Variants in CDKAL1 observed in about 807,000 individuals in gnomAD.
The protein encoded by CDKAL1 is CDKAL1 threonylcarbamoyladenosine tRNA methylthiotransferase, also known as threonylcarbamoyladenosine tRNA methylthiotransferase.
Under a neutral mutation model 68.2 loss-of-function variants are expected in CDKAL1, and 32 were observed. That is an observed-to-expected ratio of 0.47 (90% CI 0.35 to 0.63). The LOEUF is 0.63. Ranked by LOEUF, CDKAL1 falls within the 30% of genes least tolerant of loss-of-function variation. The pLI, the probability that CDKAL1 is intolerant of heterozygous loss-of-function variation, is 0.00. For missense variants in CDKAL1, 606 were observed against 696.7 expected (o/e 0.87, Z 1.47); for synonymous variants, 234 against 244.3 (o/e 0.96, Z 0.39).
chr6:21,005,809 C>A (rs1561954906), intron 11 of CDKAL1, among the ~76,000 whole-genome samples: 1 of 151,998 alleles, frequency 6.6e-6, no homozygotes, highest in Non-Finnish European at 1.5e-5. Flanking sequence ...TTCACTATAC[C>A]CAGAGATTGC....
At chr6:20,829,864 G>A (rs1387082246) in intron 8 of CDKAL1, among the ~76,000 whole-genome samples, 2 of 152,136 alleles carry the variant, frequency 1.3e-5, no homozygotes, top group African/African-American at 4.8e-5. Flanking sequence ...TAGGTTTGCT[G>A]TTATTTACTT....
chr6:20,720,629 C>T (rs1424278694), intron 5 of CDKAL1, among the ~76,000 whole-genome samples: 1 of 152,110 alleles, frequency 6.6e-6, no homozygotes, highest in Non-Finnish European at 1.5e-5. Context: ...GCCTCAGCCT[C>T]CCTATGATTA....
chr6:20,764,668 C>A (rs952063048), intron 7 of CDKAL1, among the ~76,000 whole-genome samples: 15 of 152,160 alleles, frequency 9.9e-5, no homozygotes, highest in African/African-American at 3.4e-4. Flanking sequence ...CCTTACAGAG[C>A]TCAATGCAGA....
At chr6:20,880,817 A>G (rs1306146691) in intron 9 of CDKAL1, among the ~76,000 whole-genome samples, 2 of 152,212 alleles carry the variant, frequency 1.3e-5, no homozygotes, top group Non-Finnish European at 2.9e-5. Context: ...CTAAGAAAAG[A>G]TTATAAAATT....
chr6:20,950,230 T>C (rs575962716), intron 9 of CDKAL1, among the ~76,000 whole-genome samples: 1 of 152,284 alleles, frequency 6.6e-6, no homozygotes, highest in South Asian at 2.1e-4. Flanking sequence ...GTTCAAGTGA[T>C]TCTCCTGCCT....
intron 5 of CDKAL1, among the ~76,000 whole-genome samples, chr6:20,711,751 A>T (rs138636385): frequency 3.9e-5 from 6 of 152,264 alleles, no homozygotes; most frequent in South Asian, 4.1e-4. Context: ...TGTCATTCTT[A>T]GTTTGTTTGT....
chr6:20,828,499 G>T (rs2150457525), intron 8 of CDKAL1, among the ~76,000 whole-genome samples: 1 of 152,190 alleles, frequency 6.6e-6, no homozygotes, highest in East Asian at 1.9e-4. Flanking sequence ...AAAGTGCTGG[G>T]ATTACAAACA....
chr6:20,578,042 G>C (rs1252784305), intron 4 of CDKAL1, among the ~76,000 whole-genome samples: 1 of 152,060 alleles, frequency 6.6e-6, no homozygotes, highest in Non-Finnish European at 1.5e-5. Context: ...TGGACTATAT[G>C]TCATAAATCT....
intron 4 of CDKAL1, among the ~76,000 whole-genome samples, chr6:20,599,165 A>G (rs1188863087): frequency 6.6e-6 from 1 of 152,098 alleles, no homozygotes; most frequent in Non-Finnish European, 1.5e-5. Context: ...TTTCTTGCAT[A>G]TCCTTCCAGA....
At chr6:20,865,147 A>C (rs1418594046) in intron 9 of CDKAL1, among the ~76,000 whole-genome samples, 1 of 152,210 alleles carries the variant, frequency 6.6e-6, no homozygotes, top group Non-Finnish European at 1.5e-5. Context: ...CAGAGAGGTT[A>C]CGCTTAGAGT....
intron 9 of CDKAL1, among the ~76,000 whole-genome samples, chr6:20,942,883 A>G (rs1173634038): frequency 1.4e-5 from 2 of 148,010 alleles, no homozygotes; most frequent in East Asian, 4.1e-4. Context: ...TGAACCAGGA[A>G]GTCAGAGGTT....
chr6:20,609,187 C>T (rs983576228), intron 4 of CDKAL1, among the ~76,000 whole-genome samples: 7 of 152,036 alleles, frequency 4.6e-5, no homozygotes, highest in Non-Finnish European at 1.0e-4. Context: ...TTTTCGATTT[C>T]CACCTGGACT....
chr6:20,593,204 CCTT>C (rs1305606767), intron 4 of CDKAL1, among the ~76,000 whole-genome samples: 1 of 152,116 alleles, frequency 6.6e-6, no homozygotes, highest in Non-Finnish European at 1.5e-5. Flanking sequence ...AGGGAGGAGT[CCTT>C]CTTTTTCTGT....
chr6:20,639,793 C>T (rs970513212), intron 4 of CDKAL1, among the ~76,000 whole-genome samples: 3 of 152,184 alleles, frequency 2.0e-5, no homozygotes, highest in African/African-American at 7.2e-5. Context: ...GCCTCAGCCT[C>T]CCGAGTAGCT....
At chr6:20,657,725 A>G (rs1167006058) in intron 5 of CDKAL1, among the ~76,000 whole-genome samples, 2 of 152,186 alleles carry the variant, frequency 1.3e-5, no homozygotes, top group Admixed American at 6.5e-5. Context: ...ACTTTTTTCA[A>G]GGTTTTACAG....
chr6:20,847,925 A>G lies in CDKAL1; in HGVS notation c.742+1747A>G, dbSNP rs201535793. 3.9e-5 allele frequency among the ~76,000 whole-genome samples: 6 copies of G among 152,314 alleles called. No homozygotes were observed. The East Asian group carries it at 9.6e-4, about 24-fold the overall frequency. On this transcript the variant is annotated intron_variant, in intron 9 of 15. Transcript: ENST00000274695. ...GGGAGCAGGTCTGAGCAGTGGCTCA[A>G]GGGCCCGGATACAGAATCTCCTGAG...
At chr6:20,729,803 G>A (rs1581462017) in intron 5 of CDKAL1, among the ~76,000 whole-genome samples, 1 of 152,166 alleles carries the variant, frequency 6.6e-6, no homozygotes, top group Non-Finnish European at 1.5e-5. Flanking sequence ...TCAAATGACC[G>A]TAAGGTTCCT....
intron 10 of CDKAL1, among the ~76,000 whole-genome samples, chr6:20,994,061 A>G (rs1308764103): frequency 6.6e-6 from 1 of 152,148 alleles, no homozygotes; most frequent in Non-Finnish European, 1.5e-5. Context: ...AGACTCACCC[A>G]GCTCAGAGCA....
Position 20,876,544 on chromosome 6 carries a change from C to T in CDKAL1, c.742+30366C>T, listed in dbSNP as rs113285058. ...AATGCTTCATTCTAAGGATTAAATT[C>T]GTTAATATTTTTTCTTTGTGTACTT... On this transcript the variant is annotated intron_variant, in intron 9 of 15. Transcript: ENST00000274695. Among the ~76,000 whole-genome samples, 546 of 152,176 alleles carry T rather than the reference C, an allele frequency of 3.6e-3. 5 individuals are homozygous for T. The highest frequency in any genetic ancestry group is 0.012 in the African/African-American group (483 of 41,510).
Sources: allele counts gnomAD v4.1 joint callset (sites outside exome capture counted in the v4.1 genomes callset), GRCh38; gene constraint gnomAD v4.1.1; transcripts MANE v1.5; gene names NCBI Gene and HGNC (gene_info 2026-07-23, HGNC 2026-07-21).